The following GPC6 variants were observed in gnomAD, a reference collection of about 807,000 sequenced individuals.
GPC6 encodes glypican-6.
GPC6 carries 14 observed loss-of-function variants against 55.2 expected under a neutral mutation model. That is an observed-to-expected ratio of 0.25 (90% CI 0.17 to 0.40). The LOEUF is 0.40. GPC6 is among the 10% of genes least tolerant of loss of function. GPC6 has a pLI of 1.00. For missense variants in GPC6, 641 were observed against 708.5 expected (o/e 0.90, Z 1.08); for synonymous variants, 278 against 259.6 (o/e 1.07, Z -0.68).
rs138442465 is a variant in GPC6 at position 94,245,776 on chromosome 13, T to C, written c.878-40573T>C. Among the ~76,000 whole-genome samples the C allele has an allele frequency of 5.1e-3, 781 of 152,138 alleles. 9 individuals carry two copies. Among genetic ancestry groups the C allele is most frequent in the African/African-American group, 0.017 (690 of 41,522 alleles). On this transcript the variant is annotated intron_variant, in intron 4 of 8. Coordinates refer to ENST00000377047, the MANE Select transcript of GPC6 (RefSeq NM_005708.5). ...ACAGTTTCTTTATCCATTCATCCAC[T>C]GATGGACACCTAGTGTGTTTCCATA...
intron 2 of GPC6, among the ~76,000 whole-genome samples, chr13:93,758,428 C>G (rs1423954008): frequency 6.6e-6 from 1 of 152,148 alleles, no homozygotes; most frequent in Non-Finnish European, 1.5e-5. Flanking sequence ...TTTCCTCTCT[C>G]TCCCTGTCTC....
intron 2 of GPC6, among the ~76,000 whole-genome samples, chr13:93,723,934 G>A (rs565289840): frequency 6.6e-6 from 1 of 152,052 alleles, no homozygotes; most frequent in East Asian, 1.9e-4. Flanking sequence ...TGTTAAGGTT[G>A]AACAGAGACA....
Position 93,267,230 on chromosome 13 carries a change from T to C in GPC6, c.160+39614T>C, listed in dbSNP as rs1877353901. On this transcript the variant is annotated intron_variant, in intron 1 of 8. Coordinates refer to ENST00000377047, the MANE Select transcript of GPC6 (RefSeq NM_005708.5). ...TTCAAGTTTGTTACAACCTATTTCA[T>C]TTAAGGATAAAAATTTTTAGAAATG... 2.0e-5 allele frequency among the ~76,000 whole-genome samples: 3 copies of C among 152,144 alleles called. No homozygotes were observed. In the South Asian group the frequency reaches 6.2e-4, roughly 31 times the overall value.
chr13:93,925,209 A>G (rs1269117247), intron 3 of GPC6, among the ~76,000 whole-genome samples: 1 of 152,182 alleles, frequency 6.6e-6, no homozygotes, highest in Non-Finnish European at 1.5e-5. Context: ...ACTTAAGGCC[A>G]TAGTTTTAAG....
rs74850798 is a variant in GPC6, at chr13:94,392,158, A to G, written c.1290-6308A>G. ...TTTGGGATATCCCAAAGATATCTGT[A>G]TACTTCTCTTCACAGTACCATTATT... On this transcript the variant is annotated intron_variant, in intron 7 of 8. Coordinates refer to ENST00000377047, the MANE Select transcript of GPC6 (RefSeq NM_005708.5). Among the ~76,000 whole-genome samples the G allele has an allele frequency of 9.3e-4, 141 of 152,232 alleles. No individual in the cohort carries two copies. In the East Asian group the frequency reaches 0.026, roughly 28 times the overall value.
At chr13:93,752,629 C>G (rs1290242666) in intron 2 of GPC6, among the ~76,000 whole-genome samples, 1 of 152,010 alleles carries the variant, frequency 6.6e-6, no homozygotes, top group Non-Finnish European at 1.5e-5. Flanking sequence ...AGTAGTCTGC[C>G]TGTTACAGAG....
At chr13:93,228,246 C>T (rs1457149508) in intron 1 of GPC6, among the ~76,000 whole-genome samples, 1 of 152,188 alleles carries the variant, frequency 6.6e-6, no homozygotes, top group Non-Finnish European at 1.5e-5. Context: ...GGGGACTTCA[C>T]GGGCTGCCTG....
At chr13:93,518,654 G>T (rs1362518882) in intron 1 of GPC6, among the ~76,000 whole-genome samples, 1 of 151,842 alleles carries the variant, frequency 6.6e-6, no homozygotes, top group Non-Finnish European at 1.5e-5. Context: ...ACTTGCTTTG[G>T]GACTCTCTTG....
chr13:94,392,253 C>G (rs913350585), intron 7 of GPC6, among the ~76,000 whole-genome samples: 1 of 151,738 alleles, frequency 6.6e-6, no homozygotes, highest in Admixed American at 6.6e-5. Flanking sequence ...GAAGGTTAGC[C>G]TGGTGGTGCT....
rs566014943 is a variant in GPC6, at chr13:93,863,965, A to G, written c.711+33420A>G. 9.2e-4 allele frequency among the ~76,000 whole-genome samples: 140 copies of G among 151,846 alleles called. 2 individuals carry two copies. Among genetic ancestry groups the G allele is most frequent in the Non-Finnish European group, 1.4e-3 (97 of 67,772 alleles). On this transcript the variant is annotated intron_variant, in intron 3 of 8. Transcript: ENST00000377047. ...GTACTAGTCAAAAAAGTCTTAAAAT[A>G]TGACTGCTCTGTTTCTAAAATGTTT...
At chr13:93,602,249 C>T (rs1396025035) in intron 2 of GPC6, among the ~76,000 whole-genome samples, 1 of 152,100 alleles carries the variant, frequency 6.6e-6, no homozygotes, top group African/African-American at 2.4e-5. Context: ...CAGAAAAAGT[C>T]CACCATGGCT....
Position 93,331,447 on chromosome 13 carries a change from A to C in GPC6, c.160+103831A>C, listed in dbSNP as rs1002420454. On this transcript the variant is annotated intron_variant, in intron 1 of 8. Transcript: ENST00000377047. ...GAAGCGTGGTAGAGTATGATTCATC[A>C]ACTTGAGAAAGGTTAGCTATGGATA... Among the ~76,000 whole-genome samples, 7 of 152,182 alleles carry C rather than the reference A, an allele frequency of 4.6e-5. No homozygotes were observed. The East Asian group carries it at 1.3e-3, about 29-fold the overall frequency.
intron 6 of GPC6, among the ~76,000 whole-genome samples, chr13:94,332,708 C>A (rs1018474933): frequency 6.6e-6 from 1 of 152,114 alleles, no homozygotes; most frequent in South Asian, 2.1e-4. Context: ...AGATTATTTT[C>A]GAAAAGGTTT....
intron 1 of GPC6, among the ~76,000 whole-genome samples, chr13:93,488,872 C>T (rs1345869513): frequency 2.0e-5 from 3 of 151,942 alleles, no homozygotes; most frequent in Non-Finnish European, 2.9e-5. Context: ...GGATATTAGA[C>T]CTTTGTCAGA....
chr13:94,230,305 G>A (rs187916278), intron 4 of GPC6, among the ~76,000 whole-genome samples: 3 of 152,194 alleles, frequency 2.0e-5, no homozygotes, highest in Admixed American at 2.0e-4. Context: ...AGGTCACATG[G>A]CTGGATTCCC....
intron 3 of GPC6, among the ~76,000 whole-genome samples, chr13:93,989,987 AG>A (rs1407391745): frequency 6.6e-6 from 1 of 150,540 alleles, no homozygotes; most frequent in East Asian, 1.9e-4. Context: ...AATGTGGAAA[AG>A]TACAGGTATA....
At chr13:94,339,830 C>T (rs71429548) in intron 6 of GPC6, among the ~76,000 whole-genome samples, 4 of 122,906 alleles carry the variant, frequency 3.3e-5, no homozygotes, top group Non-Finnish European at 4.7e-5. Context: ...ATGGCACGAT[C>T]TGGGCTTGCC....
chr13:93,757,575 T>C (rs565535271), intron 2 of GPC6, among the ~76,000 whole-genome samples: 1 of 152,294 alleles, frequency 6.6e-6, no homozygotes, highest in East Asian at 1.9e-4. Flanking sequence ...GAACATTGCT[T>C]GGTTATTCCT....
chr13:94,299,888 G>A (rs1875550979), intron 5 of GPC6, among the ~76,000 whole-genome samples: 1 of 152,054 alleles, frequency 6.6e-6, no homozygotes, highest in Non-Finnish European at 1.5e-5. Flanking sequence ...CTATTTCCTT[G>A]AGTATAAATG....
Sources: allele counts gnomAD v4.1 joint callset (sites outside exome capture counted in the v4.1 genomes callset), GRCh38; gene constraint gnomAD v4.1.1; transcripts MANE v1.5; gene names NCBI Gene and HGNC (gene_info 2026-07-23, HGNC 2026-07-21).